Variants in THSD4 observed in about 807,000 individuals in gnomAD.
The protein encoded by THSD4 is thrombospondin type 1 domain containing 4.
THSD4 carries 69 observed loss-of-function variants against 119.0 expected under a neutral mutation model. That is an observed-to-expected ratio of 0.58 (90% CI 0.48 to 0.71). THSD4 has a LOEUF of 0.71. Among genes scored for constraint, THSD4 ranks in the 30% least tolerant of loss-of-function variants. The pLI is 0.00. For missense variants in THSD4, 1,393 were observed against 1,391.1 expected, an observed-to-expected ratio of 1.00 and a Z score of -0.02; for synonymous variants, 524 against 540.4, an observed-to-expected ratio of 0.97 and a Z score of 0.42.
intron 16 of THSD4, among the ~76,000 whole-genome samples, chr15:71,768,011 A>T (rs952899778): frequency 6.6e-6 from 1 of 152,230 alleles, no homozygotes; most frequent in Admixed American, 6.5e-5. Context: ...TAAAAAACTG[A>T]TAAGTCATCA....
intron 7 of THSD4, among the ~76,000 whole-genome samples, chr15:71,431,056 A>G (rs968475702): frequency 7.2e-5 from 11 of 152,222 alleles, no homozygotes; most frequent in African/African-American, 2.7e-4. Context: ...ATGAATTTCA[A>G]CATTTTGGAG....
intron 6 of THSD4, among the ~76,000 whole-genome samples, chr15:71,280,506 A>C (rs934411398): frequency 2.0e-4 from 31 of 151,722 alleles, no homozygotes; most frequent in Non-Finnish European, 4.3e-4. Flanking sequence ...TGTGTAAGCT[A>C]TAATATGTAT....
At chr15:71,267,974 C>T (rs1407861907) in intron 6 of THSD4, among the ~76,000 whole-genome samples, 1 of 152,140 alleles carries the variant, frequency 6.6e-6, no homozygotes, top group Non-Finnish European at 1.5e-5. Flanking sequence ...TTCTTAGAGA[C>T]CTACAAAGGG....
chr15:71,643,184 G>A (rs904500890), intron 7 of THSD4, among the ~76,000 whole-genome samples: 8 of 151,954 alleles, frequency 5.3e-5, no homozygotes, highest in East Asian at 1.9e-4. Context: ...CATCTGGTCC[G>A]GTGGTCCTAA....
In THSD4 at chr15:71,612,308, A is replaced by G. The variant is rs1006554322; in HGVS notation, c.1153-48222A>G. Among the ~76,000 whole-genome samples, 5 of 152,344 alleles carry G rather than the reference A, an allele frequency of 3.3e-5. No individual in the cohort carries two copies. The South Asian group carries it at 6.2e-4, about 19-fold the overall frequency. On this transcript the variant is annotated intron_variant, in intron 7 of 17. Coordinates refer to ENST00000261862, the MANE Select transcript of THSD4 (RefSeq NM_024817.3). ...TCAGTCGGATGAGCTCACAATTTCA[A>G]CAATCACCCCCCGGTGGGATTGAGG...
rs184270783 is a variant in THSD4 at position 71,305,780 on chromosome 15, A to G, written c.1015+49065A>G. On this transcript the variant is annotated intron_variant, in intron 6 of 17. Coordinates refer to ENST00000261862, the MANE Select transcript of THSD4 (RefSeq NM_024817.3). ...TGTTCTTAATAGTAGAATGAAACTC[A>G]CATGTGTCACTAACCAAGGGGCCTG... Among the ~76,000 whole-genome samples, 138 of 152,276 alleles carry G rather than the reference A, an allele frequency of 9.1e-4. 1 individual carries two copies. Among genetic ancestry groups the G allele is most frequent in the Non-Finnish European group, 7.6e-4 (52 of 68,020 alleles).
intron 12 of THSD4, 120 bp from the exon 13 acceptor site, chr15:71,746,718 C>A: frequency 9.1e-7 from 1 of 1,103,952 alleles, no homozygotes; most frequent in Non-Finnish European, 1.3e-6. Flanking sequence ...AAGCAATGCT[C>A]TAGTAAGAAA....
At chr15:71,731,613 C>A (rs939249539) in intron 10 of THSD4, 1 of 186,666 alleles carries the variant, frequency 5.4e-6, no homozygotes, top group East Asian at 1.3e-4. Flanking sequence ...ACCCCTGTCT[C>A]TACAAAAAAA....
chr15:71,652,337 C>T (rs1168519132), intron 7 of THSD4, among the ~76,000 whole-genome samples: 8 of 151,652 alleles, frequency 5.3e-5, no homozygotes, highest in African/African-American at 1.9e-4. Flanking sequence ...TCTTTAAACA[C>T]AATTCACCAT....
At chr15:71,392,233 A>C (rs2046388214) in intron 6 of THSD4, among the ~76,000 whole-genome samples, 1 of 152,156 alleles carries the variant, frequency 6.6e-6, no homozygotes, top group Non-Finnish European at 1.5e-5. Context: ...CCATGTCTGC[A>C]ATTCTTATAA....
chr15:71,489,922 G>A (rs924204365), intron 7 of THSD4, among the ~76,000 whole-genome samples: 8 of 151,984 alleles, frequency 5.3e-5, no homozygotes, highest in Non-Finnish European at 1.2e-4. Flanking sequence ...CACCATCACT[G>A]TTAAAATCTT....
At chr15:71,122,558 T>G (rs1196028844) in intron 1 of THSD4, among the ~76,000 whole-genome samples, 1 of 152,230 alleles carries the variant, frequency 6.6e-6, no homozygotes, top group Non-Finnish European at 1.5e-5. Flanking sequence ...ATAATGCCAC[T>G]GCTAATATTG....
intron 7 of THSD4, among the ~76,000 whole-genome samples, chr15:71,657,352 A>G (rs968259995): frequency 6.6e-6 from 1 of 152,208 alleles, no homozygotes; most frequent in African/African-American, 2.4e-5. Context: ...TTCCCCAGCC[A>G]TGCCCTCCTA....
chr15:71,166,232 G>A (rs1049884135), intron 3 of THSD4, among the ~76,000 whole-genome samples: 6 of 152,128 alleles, frequency 3.9e-5, no homozygotes, highest in South Asian at 2.1e-4. Context: ...GGCAGCTGGC[G>A]TATTGGTGCT....
intron 6 of THSD4, among the ~76,000 whole-genome samples, chr15:71,257,182 G>C (rs2140289211): frequency 6.6e-6 from 1 of 152,216 alleles, no homozygotes; most frequent in South Asian, 2.1e-4. Flanking sequence ...GATAATAGTA[G>C]GCAGGCATTG....
rs557319700 is a variant in THSD4, at chr15:71,425,924, C to T, written c.1152+14101C>T. ...TCAGGGAGAATTCTTGGCACCCTCC[C>T]AAGCCCCTGTCAGCCTCATCTTGTT... On this transcript the variant is annotated intron_variant, in intron 7 of 17. Coordinates refer to ENST00000261862, the MANE Select transcript of THSD4 (RefSeq NM_024817.3). Among the ~76,000 whole-genome samples, 3 of 152,266 alleles carry T rather than the reference C, an allele frequency of 2.0e-5. No homozygotes were observed. The East Asian group carries it at 5.8e-4, about 29-fold the overall frequency.
At position 71,389,440 on chromosome 15, in the gene THSD4, G is replaced by A. The variant is rs79854390; in HGVS notation, c.1016-22247G>A. Among the ~76,000 whole-genome samples, 1,315 of 148,834 alleles carry A rather than the reference G, an allele frequency of 8.8e-3. 21 individuals are homozygous for A. Among genetic ancestry groups the A allele is most frequent in the African/African-American group, 0.031 (1,252 of 40,708 alleles). Reference sequence around the variant, plus strand: ...CACAATCACCTCAAGGTTCATCCATGTTGTAGCACGTGTCAGAATTTCCTC... The same window carrying A: ...CACAATCACCTCAAGGTTCATCCATATTGTAGCACGTGTCAGAATTTCCTC... On this transcript the variant is annotated intron_variant, in intron 6 of 17. Coordinates refer to ENST00000261862, the MANE Select transcript of THSD4 (RefSeq NM_024817.3).
chr15:71,563,190 GAA>G (rs1191404804), intron 7 of THSD4, among the ~76,000 whole-genome samples: 2 of 152,114 alleles, frequency 1.3e-5, no homozygotes, highest in Non-Finnish European at 2.9e-5. Flanking sequence ...CATGTTTAGT[GAA>G]CCTTTACATC....
Position 71,421,126 on chromosome 15 carries a change from T to TCCAG in THSD4, c.1152+9306_1152+9309dup, listed in dbSNP as rs1321892609. 3.0e-5 allele frequency among the ~76,000 whole-genome samples: 2 copies of TCCAG among 67,122 alleles called. 1 individual carries two copies. Among genetic ancestry groups the TCCAG allele is most frequent in the East Asian group, 1.2e-3 (2 of 1,698 alleles). The allele number at this position is 67,122 out of a possible 152,430, so 44.0% of individuals were successfully genotyped here. A position where few individuals can be genotyped will look rare whatever the true frequency, so the allele number is the denominator to read the frequency against. On this transcript the variant is annotated intron_variant, in intron 7 of 17. Transcript: ENST00000261862. ...GTGAGCCAAGATGGTACCACTGCAC[T>TCCAG]CCAGCCTGGGTGATGGAGTGAGACT...
Sources: allele counts gnomAD v4.1 joint callset (sites outside exome capture counted in the v4.1 genomes callset), GRCh38; gene constraint gnomAD v4.1.1; transcripts MANE v1.5; gene names NCBI Gene and HGNC (gene_info 2026-07-23, HGNC 2026-07-21).